Variants in LSAMP observed in about 807,000 individuals in gnomAD.
LSAMP encodes the protein limbic system associated membrane protein, also known as limbic system-associated membrane protein.
Under a neutral mutation model 38.6 loss-of-function variants are expected in LSAMP, and 7 were observed. The ratio of observed to expected loss-of-function variants is 0.18; its 90% CI spans 0.10 to 0.34. The LOEUF (loss-of-function observed/expected upper bound fraction) is 0.34. Among genes scored for constraint, LSAMP ranks in the 10% least tolerant of loss-of-function variants. The pLI is 1.00. For synonymous variants in LSAMP, 154 were observed against 166.8 expected (o/e 0.92, Z 0.59); for missense variants, 313 against 420.0 (o/e 0.75, Z 2.23).
intron 6 of LSAMP, among the ~76,000 whole-genome samples, chr3:115,815,562 A>G (rs1166946758): frequency 6.6e-6 from 1 of 152,230 alleles, no homozygotes; most frequent in Non-Finnish European, 1.5e-5. Flanking sequence ...GTATTTTGGC[A>G]TACAAGTTTT....
chr3:116,279,923 A>G (rs1412865873), intron 1 of LSAMP, among the ~76,000 whole-genome samples: 52 of 152,308 alleles, frequency 3.4e-4, no homozygotes, highest in Non-Finnish European at 4.4e-5. Flanking sequence ...CATTGAAAAC[A>G]TTTACTATTA....
chr3:115,940,004 C>T (rs1482690811), intron 3 of LSAMP, among the ~76,000 whole-genome samples: 3 of 152,034 alleles, frequency 2.0e-5, no homozygotes, highest in African/African-American at 7.2e-5. Context: ...CTGGTGGGTT[C>T]GTGGTCTCAC....
At chr3:116,088,700 G>C (rs892288623) in intron 1 of LSAMP, among the ~76,000 whole-genome samples, 3 of 152,128 alleles carry the variant, frequency 2.0e-5, no homozygotes, top group South Asian at 2.1e-4. Flanking sequence ...AGAATGGTCA[G>C]ATTTGCTACA....
intron 1 of LSAMP, among the ~76,000 whole-genome samples, chr3:116,165,161 C>T (rs1012884803): frequency 1.3e-5 from 2 of 152,092 alleles, no homozygotes; most frequent in Non-Finnish European, 2.9e-5. Context: ...CATACCAAGT[C>T]TAGCTTCCTT....
intron 1 of LSAMP, among the ~76,000 whole-genome samples, chr3:116,432,790 G>A (rs534527359): frequency 7.0e-4 from 106 of 152,176 alleles, no homozygotes; most frequent in Non-Finnish European, 1.2e-3. Flanking sequence ...CCAATCTAGA[G>A]GTTTATCCAA....
chr3:116,422,311 AAAT>A (rs1259387252), intron 1 of LSAMP, among the ~76,000 whole-genome samples: 3 of 152,232 alleles, frequency 2.0e-5, no homozygotes, highest in Non-Finnish European at 4.4e-5. Flanking sequence ...AAAAAATGAA[AAAT>A]AACAATACAA....
chr3:116,172,735 ATTC>A (rs1206193093), intron 1 of LSAMP, among the ~76,000 whole-genome samples: 2 of 151,986 alleles, frequency 1.3e-5, no homozygotes, highest in African/African-American at 4.8e-5. Flanking sequence ...ATTTCTCTCA[ATTC>A]TTCTCTCAAG....
At chr3:116,302,078 T>C (rs1261040171) in intron 1 of LSAMP, among the ~76,000 whole-genome samples, 2 of 152,174 alleles carry the variant, frequency 1.3e-5, no homozygotes, top group East Asian at 1.9e-4. Context: ...ACCATGGCAA[T>C]CTGTCAAGAA....
chr3:116,056,237 G>A (rs1173832818), intron 2 of LSAMP, among the ~76,000 whole-genome samples: 1 of 152,120 alleles, frequency 6.6e-6, no homozygotes, highest in Non-Finnish European at 1.5e-5. Context: ...TATGCATAAT[G>A]TTCTGGATAC....
intron 2 of LSAMP, among the ~76,000 whole-genome samples, chr3:116,068,451 A>G (rs1274779978): frequency 1.3e-5 from 2 of 152,158 alleles, no homozygotes; most frequent in Admixed American, 1.3e-4. Context: ...TAAAAAAAAA[A>G]TAAGTTATTT....
chr3:116,152,930 T>A (rs1255477229), intron 1 of LSAMP, among the ~76,000 whole-genome samples: 1 of 152,072 alleles, frequency 6.6e-6, no homozygotes, highest in Non-Finnish European at 1.5e-5. Flanking sequence ...AATGTCTTTA[T>A]TAAAGAAGAG....
At chr3:116,385,459 G>A (rs1288363500) in intron 1 of LSAMP, among the ~76,000 whole-genome samples, 1 of 152,118 alleles carries the variant, frequency 6.6e-6, no homozygotes, top group Non-Finnish European at 1.5e-5. Flanking sequence ...AAAGATGCAA[G>A]GAAAACAGTA....
At chr3:116,163,079 TTTA>T (rs969016878) in intron 1 of LSAMP, among the ~76,000 whole-genome samples, 20 of 151,884 alleles carry the variant, frequency 1.3e-4, no homozygotes, top group Middle Eastern at 3.4e-3. Context: ...TTTTTTAAAT[TTTA>T]TTATTATTAT....
At chr3:115,870,397 T>C (rs370862206) in intron 3 of LSAMP, among the ~76,000 whole-genome samples, 2 of 152,236 alleles carry the variant, frequency 1.3e-5, no homozygotes, top group South Asian at 4.1e-4. Flanking sequence ...TGACCTAGGC[T>C]CCAATAAATT....
rs143184769 is a variant in LSAMP, at chr3:116,400,323, C to A, written c.155+44554G>T. On this transcript the variant is annotated intron_variant, in intron 1 of 6. Transcript: ENST00000490035. ...CATGGCTGGCTTGTCCACATCAGCACCACTTTGAGCCAAGTTTGATCTTTC... is the reference window on the plus strand; with the variant it reads ...CATGGCTGGCTTGTCCACATCAGCAACACTTTGAGCCAAGTTTGATCTTTC... Among the ~76,000 whole-genome samples the A allele has an allele frequency of 3.9e-4, 60 of 152,162 alleles. 1 individual carries two copies. The East Asian group carries it at 8.5e-3, about 22-fold the overall frequency.
chr3:115,815,197 G>T (rs913390735), intron 6 of LSAMP, among the ~76,000 whole-genome samples: 8 of 152,102 alleles, frequency 5.3e-5, no homozygotes, highest in South Asian at 2.1e-4. Flanking sequence ...ACAGTATTTT[G>T]TTAGAATTGT....
intron 3 of LSAMP, among the ~76,000 whole-genome samples, chr3:115,968,947 A>C (rs1300747381): frequency 6.6e-6 from 1 of 152,152 alleles, no homozygotes; most frequent in Non-Finnish European, 1.5e-5. Flanking sequence ...GCTGGGGTCT[A>C]CCCAGTCTTG....
At chr3:116,362,795 A>T (rs2048307415) in intron 1 of LSAMP, among the ~76,000 whole-genome samples, 1 of 85,628 alleles carries the variant, frequency 1.2e-5, no homozygotes, top group Non-Finnish European at 2.1e-5. Context: ...AGAAATAAAG[A>T]TGTTCTTTGA....
intron 1 of LSAMP, among the ~76,000 whole-genome samples, chr3:116,333,708 A>T (rs1367344153): frequency 2.6e-5 from 4 of 152,134 alleles, no homozygotes; most frequent in African/African-American, 7.2e-5. Context: ...ATTAAAAAAT[A>T]CTTAGCGACA....
Sources: gnomAD v4.1 joint callset for allele counts (sites outside exome capture counted in the v4.1 genomes callset) on GRCh38, gnomAD v4.1.1 for gene constraint, MANE v1.5 for transcripts, NCBI Gene and HGNC (gene_info 2026-07-23, HGNC 2026-07-21) for gene names.